The following CYP51A1 variants were observed in gnomAD, a reference collection of about 807,000 sequenced individuals.
CYP51A1 encodes cytochrome P450 family 51 subfamily A member 1, also known as lanosterol 14-alpha demethylase.
Under a neutral mutation model 53.5 loss-of-function variants are expected in CYP51A1, and 45 were observed. The observed-to-expected ratio is 0.84, with a 90% CI of 0.66 to 1.08. The LOEUF is 1.08. Ranked by LOEUF, CYP51A1 falls within the 50% of genes least tolerant of loss-of-function variation. The pLI is 0.00. For synonymous variants in CYP51A1, 181 were observed against 217.7 expected, an observed-to-expected ratio of 0.83 and a Z score of 1.48; for missense variants, 462 against 621.7, an observed-to-expected ratio of 0.74 and a Z score of 2.73.
chr7:92,113,982 A>G, intron 9 of CYP51A1, 139 bp from the exon 10 acceptor site: 1 of 574,066 alleles, frequency 1.7e-6, no homozygotes, highest in Non-Finnish European at 2.9e-6. Context: ...TTTCACATAA[A>G]ACAACATGAA....
At chr7:92,130,874 C>T (rs146786733) in intron 2 of CYP51A1, among the ~76,000 whole-genome samples, 1 of 152,234 alleles carries the variant, frequency 6.6e-6, no homozygotes, top group East Asian at 1.9e-4. Flanking sequence ...GGCCCAATCA[C>T]AAGAACATAA....
At chr7:92,128,237 T>G (rs1819840611) in intron 3 of CYP51A1, among the ~76,000 whole-genome samples, 1 of 152,218 alleles carries the variant, frequency 6.6e-6, no homozygotes, top group Admixed American at 6.5e-5. Flanking sequence ...AATCCCAGTA[T>G]GCTAAGTTAT....
rs557294385 is a variant in CYP51A1 at position 92,112,534 on chromosome 7, G to C, written c.*1131C>G. On this transcript the variant is annotated 3_prime_UTR_variant, in exon 10 of 10. Coordinates refer to ENST00000003100, the MANE Select transcript of CYP51A1 (RefSeq NM_000786.4). ...CAAACATCCCTAATTGGATTCTAGA[G>C]AGGAAGCAGGGAAGGCCAGGTGCGG... 1 of 152,146 alleles carries C rather than the reference G, an allele frequency of 6.6e-6. No homozygotes were observed. Among genetic ancestry groups the C allele is most frequent in the Non-Finnish European group, 1.5e-5 (1 of 68,040 alleles). The allele number at this position is 152,146 out of a possible 1,614,324, so 9.4% of individuals were successfully genotyped here. A position where few individuals can be genotyped will look rare whatever the true frequency, so the allele number is the denominator to read the frequency against.
intron 5 of CYP51A1, 105 bp downstream of exon 5, chr7:92,126,146 GTA>G: frequency 1.4e-6 from 1 of 727,298 alleles, no homozygotes. Context: ...TACCCATTTT[GTA>G]TGTTTTACTT....
At chr7:92,128,275 C>A (rs1208163782) in intron 3 of CYP51A1, among the ~76,000 whole-genome samples, 4 of 152,098 alleles carry the variant, frequency 2.6e-5, no homozygotes. Context: ...GTACAGGAAG[C>A]CCTTTAATAT....
At chr7:92,134,137 C>G in intron 1 of CYP51A1, 36 bp downstream of exon 1, 3 of 1,600,360 alleles carry the variant, frequency 1.9e-6, no homozygotes, top group Non-Finnish European at 2.6e-6. Flanking sequence ...TCAGCTGCGG[C>G]GCGCGCCCCA....
rs998400564 is a variant in CYP51A1 at position 92,113,904 on chromosome 7, G to T, written c.1352-61C>A. 2.6e-6 allele frequency: 3 copies of T among 1,143,822 alleles called. No individual in the cohort carries two copies. The African/African-American group carries it at 4.7e-5, about 18-fold the overall frequency. 70.9% of individuals were successfully genotyped at this position (1,143,822 alleles called of 1,614,324 possible). On this transcript the variant is annotated intron_variant, in intron 9 of 9. Transcript: ENST00000003100. Reference sequence around the variant, plus strand: ...ATTCTTTCTCATCCTTTTTAGCCTGGGGTGATATTATCTACATTTTAGATG... The same window carrying T: ...ATTCTTTCTCATCCTTTTTAGCCTGTGGTGATATTATCTACATTTTAGATG...
Position 92,134,249 on chromosome 7 carries a change from G to A in CYP51A1, c.116C>T (p.Ala39Val). 1 of 1,613,390 alleles carries A rather than the reference G, an allele frequency of 6.2e-7. No individual in the cohort carries two copies. Among genetic ancestry groups the A allele is most frequent in the Non-Finnish European group, 8.5e-7 (1 of 1,179,742 alleles). The change falls in exon 1 of 10, where the codon GCC (alanine) becomes GTC (valine). Residue 39 changes from alanine (A) to valine (V), a missense_variant. Physicochemically the swap from Ala to Val is moderately conservative, Grantham distance 64. Coordinates refer to ENST00000003100, the MANE Select transcript of CYP51A1 (RefSeq NM_000786.4). ...GGNLLSMLLIACAFTLSLVYL... is the reference protein window; with the variant it reads ...GGNLLSMLLIVCAFTLSLVYL... Reference sequence around the variant, plus strand: ...GACCAGGCTGAGGGTGAAGGCGCAGGCGATCAGCAGCATGGACAAGAGGTT... The same window carrying A: ...GACCAGGCTGAGGGTGAAGGCGCAGACGATCAGCAGCATGGACAAGAGGTT...
At chr7:92,128,458 G>A (rs1461791139) in intron 3 of CYP51A1, among the ~76,000 whole-genome samples, 5 of 94,658 alleles carry the variant, frequency 5.3e-5, no homozygotes, top group South Asian at 3.1e-4. Context: ...GTGTGTGTGC[G>A]CGTGCGTGTG....
intron 4 of CYP51A1, among the ~76,000 whole-genome samples, chr7:92,126,723 C>T (rs896220402): frequency 1.3e-5 from 2 of 151,978 alleles, no homozygotes; most frequent in African/African-American, 4.8e-5. Flanking sequence ...GTCACAATAA[C>T]AAAAGCAGAA....
intron 7 of CYP51A1, among the ~76,000 whole-genome samples, chr7:92,120,427 T>C (rs951786059): frequency 6.6e-6 from 1 of 152,190 alleles, no homozygotes. Flanking sequence ...AATAAAGCCT[T>C]AAATTTATGG....
At chr7:92,130,975 G>A (rs1038433529) in intron 2 of CYP51A1, among the ~76,000 whole-genome samples, 2 of 152,190 alleles carry the variant, frequency 1.3e-5, no homozygotes, top group African/African-American at 4.8e-5. Context: ...GACAATAACT[G>A]GCTGCCTCCA....
chr7:92,126,974 C>T (rs1337160832), intron 4 of CYP51A1, among the ~76,000 whole-genome samples: 1 of 152,168 alleles, frequency 6.6e-6, no homozygotes, highest in Non-Finnish European at 1.5e-5. Context: ...CCTGTTAATT[C>T]CACATTCACT....
intron 8 of CYP51A1, among the ~76,000 whole-genome samples, chr7:92,118,055 T>G (rs897742602): frequency 3.3e-5 from 5 of 152,084 alleles, no homozygotes; most frequent in African/African-American, 1.2e-4. Context: ...TTTTAGAGTA[T>G]ATAAAACTGA....
chr7:92,127,650 C>G lies in CYP51A1; in HGVS notation c.469-19G>C, dbSNP rs752764623. 6.2e-7 allele frequency: 1 copy of G among 1,612,682 alleles called. No individual in the cohort carries two copies. The highest frequency in any genetic ancestry group is 1.7e-5 in the Admixed American group (1 of 59,926). ...AGAAAACCTTCAAAAAAATTCAAAACGGGGATACGGCATTAAAACACATTT... is the reference window on the plus strand; with the variant it reads ...AGAAAACCTTCAAAAAAATTCAAAAGGGGGATACGGCATTAAAACACATTT... On this transcript the variant is annotated intron_variant, in intron 3 of 9. Transcript: ENST00000003100.
intron 7 of CYP51A1, among the ~76,000 whole-genome samples, chr7:92,118,822 G>T (rs1819629463): frequency 6.6e-6 from 1 of 152,154 alleles, no homozygotes. Context: ...TTGCCCTGAA[G>T]AATGAAGTAA....
chr7:92,127,946 C>A (rs1270377251), intron 3 of CYP51A1, among the ~76,000 whole-genome samples: 1 of 152,216 alleles, frequency 6.6e-6, no homozygotes, highest in Non-Finnish European at 1.5e-5. Context: ...TACTAGGGTA[C>A]TGGCTAATGT....
Position 92,134,272 on chromosome 7 carries a change from G to A in CYP51A1, c.93C>T (p.Asn31=), listed in dbSNP as rs146964281. The A allele has an allele frequency of 3.5e-4, 567 of 1,612,684 alleles. 1 individual carries two copies. The highest frequency in any genetic ancestry group is 1.3e-3 in the South Asian group (117 of 90,928). The change falls in exon 1 of 10, where the codon AAC becomes AAT. Residue 31 remains asparagine, a synonymous_variant. Transcript: ENST00000003100. ...GQAMEKVTGG[N]LLSMLLIACA... ...AGGCGATCAGCAGCATGGACAAGAG[G>A]TTGCCGCCTGTCACCTTCTCCATCG...
intron 8 of CYP51A1, 109 bp downstream of exon 8, chr7:92,118,411 C>T (rs1819620817): frequency 2.7e-6 from 2 of 731,282 alleles, no homozygotes; most frequent in Admixed American, 3.8e-5. Flanking sequence ...CCTCCCACCT[C>T]AGCCTCCCAA....
Sources: gnomAD v4.1 joint callset for allele counts (sites outside exome capture counted in the v4.1 genomes callset) on GRCh38, gnomAD v4.1.1 for gene constraint, MANE v1.5 for transcripts, NCBI Gene and HGNC (gene_info 2026-07-23, HGNC 2026-07-21) for gene names.